GUCA1C: variants seen among roughly 807,000 people sequenced by gnomAD.
GUCA1C encodes the protein guanylate cyclase activator 1C, also known as guanylyl cyclase-activating protein 3.
In GUCA1C, 15 loss-of-function variants were observed where a neutral mutation model predicts 16.2. That is an observed-to-expected ratio of 0.93 (90% CI 0.62 to 1.43). The LOEUF is 1.43. Ranked by LOEUF, GUCA1C falls within the 40% of genes most tolerant of loss-of-function variation. The probability of loss-of-function intolerance (pLI) is 0.00; values close to 1 mark genes in which losing one functional copy is unlikely to be tolerated. For synonymous variants in GUCA1C, 78 were observed against 85.4 expected (o/e 0.91, Z 0.48); for missense variants, 275 against 244.8 (o/e 1.12, Z -0.82).
At chr3:108,913,957 T>C (rs1946482891) in intron 3 of GUCA1C, among the ~76,000 whole-genome samples, 1 of 151,978 alleles carries the variant, frequency 6.6e-6, no homozygotes, top group Non-Finnish European at 1.5e-5. Context: ...TCCCAGCTAC[T>C]TGGGAGATTG....
chr3:108,934,022 T>C (rs1445044056), intron 1 of GUCA1C, among the ~76,000 whole-genome samples: 3 of 152,190 alleles, frequency 2.0e-5, no homozygotes, highest in Non-Finnish European at 4.4e-5. Flanking sequence ...TTCATGTCCT[T>C]TGCAGGGACA....
intron 3 of GUCA1C, among the ~76,000 whole-genome samples, chr3:108,912,053 C>T (rs867379434): frequency 9.3e-5 from 14 of 150,442 alleles, no homozygotes; most frequent in Middle Eastern, 7.1e-3. Flanking sequence ...TTGCAGTGAG[C>T]CGAGTAGTGC....
chr3:108,926,638 G>A (rs551022936), intron 1 of GUCA1C, among the ~76,000 whole-genome samples: 4 of 152,140 alleles, frequency 2.6e-5, no homozygotes, highest in South Asian at 2.1e-4. Context: ...ACGCCACCAC[G>A]CCCAGCTAAT....
intron 1 of GUCA1C, among the ~76,000 whole-genome samples, chr3:108,937,964 G>A (rs957130880): frequency 5.3e-5 from 8 of 151,992 alleles, no homozygotes; most frequent in East Asian, 1.9e-4. Context: ...CCAGCTACTC[G>A]GGAGGCTAAG....
At chr3:108,921,086 G>A (rs1946565605) in intron 1 of GUCA1C, among the ~76,000 whole-genome samples, 1 of 152,124 alleles carries the variant, frequency 6.6e-6, no homozygotes, top group Admixed American at 6.5e-5. Flanking sequence ...TCTGTGCTGT[G>A]CCTATTTAAT....
intron 1 of GUCA1C, among the ~76,000 whole-genome samples, chr3:108,922,160 A>AAC (rs56788372): frequency 0.12 from 6,203 of 51,858 alleles, 256 homozygotes; most frequent in African/African-American, 0.3. Flanking sequence ...CACATACACA[A>AAC]ACACACACAC....
In GUCA1C at chr3:108,927,361, C is replaced by T. The variant is rs564622627; in HGVS notation, c.205-6776G>A. On this transcript the variant is annotated intron_variant, in intron 1 of 3. Transcript: ENST00000261047. ...AGATTTCTCTTCTTCCTCAGGAACC[C>T]AATTATTCTTAGGTTTCGACATTTA... Among the ~76,000 whole-genome samples the T allele has an allele frequency of 2.1e-4, 32 of 151,820 alleles. No individual in the cohort carries two copies. In the South Asian group the frequency reaches 6.7e-3, roughly 32 times the overall value.
chr3:108,940,079 A>T (rs1236044422), intron 1 of GUCA1C, among the ~76,000 whole-genome samples: 1 of 152,244 alleles, frequency 6.6e-6, no homozygotes, highest in Admixed American at 6.5e-5. Flanking sequence ...TGTGCTTGAT[A>T]GTATATATGA....
intron 1 of GUCA1C, among the ~76,000 whole-genome samples, chr3:108,953,295 G>A (rs1342268694): frequency 6.6e-6 from 1 of 152,066 alleles, no homozygotes; most frequent in Non-Finnish European, 1.5e-5. Context: ...ATTCCATGCC[G>A]AGATTTAATC....
At chr3:108,953,073 T>G (rs1490704859) in intron 1 of GUCA1C, among the ~76,000 whole-genome samples, 1 of 152,176 alleles carries the variant, frequency 6.6e-6, no homozygotes, top group South Asian at 2.1e-4. Context: ...AAAAAAGTAA[T>G]ATGAAGCAGT....
intron 1 of GUCA1C, among the ~76,000 whole-genome samples, chr3:108,931,215 T>TGACTGCATTTTTCAGTGTC (rs1946662988): frequency 6.6e-6 from 1 of 151,724 alleles, no homozygotes; most frequent in South Asian, 2.1e-4. Context: ...TCCACTTCAG[T>TGACTGCATTTTTCAGTGTC]GACTGCATTT....
chr3:108,923,956 C>T (rs192897483), intron 1 of GUCA1C, among the ~76,000 whole-genome samples: 6 of 152,226 alleles, frequency 3.9e-5, no homozygotes, highest in African/African-American at 1.4e-4. Flanking sequence ...AGCTTGATCG[C>T]TGTTGGTGTA....
At chr3:108,952,624 A>G (rs551966534) in intron 1 of GUCA1C, among the ~76,000 whole-genome samples, 1 of 151,988 alleles carries the variant, frequency 6.6e-6, no homozygotes, top group African/African-American at 2.4e-5. Context: ...TACACATCCT[A>G]TCAAACAACC....
intron 2 of GUCA1C, 103 bp downstream of exon 2, chr3:108,920,333 C>T (rs1019701637): frequency 1.2e-6 from 1 of 829,586 alleles, no homozygotes; most frequent in Non-Finnish European, 2.0e-6. Context: ...ATGTATATCG[C>T]CAAAATAGCC....
chr3:108,932,914 A>C (rs571890525), intron 1 of GUCA1C, among the ~76,000 whole-genome samples: 26 of 149,528 alleles, frequency 1.7e-4, no homozygotes, highest in African/African-American at 6.4e-4. Context: ...AAGAAAAAAA[A>C]AAAAAATCTC....
At chr3:108,920,145 G>A (rs1559841603) in intron 2 of GUCA1C, among the ~76,000 whole-genome samples, 1 of 152,076 alleles carries the variant, frequency 6.6e-6, no homozygotes, top group East Asian at 1.9e-4. Context: ...TCTGCACTGA[G>A]GCACAGAAAA....
At chr3:108,930,699 T>C (rs1946659036) in intron 1 of GUCA1C, among the ~76,000 whole-genome samples, 1 of 152,178 alleles carries the variant, frequency 6.6e-6, no homozygotes, top group Non-Finnish European at 1.5e-5. Context: ...AGAGATAAGA[T>C]TTCTTCTAAC....
intron 1 of GUCA1C, 130 bp from the exon 2 acceptor site, chr3:108,920,715 CTT>C: frequency 1.7e-6 from 1 of 571,870 alleles, no homozygotes; most frequent in South Asian, 2.7e-5. Context: ...CAGCATAAAA[CTT>C]TTCCCTAGTG....
intron 3 of GUCA1C, among the ~76,000 whole-genome samples, chr3:108,908,693 G>C (rs1375794440): frequency 6.6e-6 from 1 of 152,142 alleles, no homozygotes; most frequent in African/African-American, 2.4e-5. Context: ...GGTTATTTTT[G>C]CTCATTAGTT....
Sources: gnomAD v4.1 joint callset for allele counts (sites outside exome capture counted in the v4.1 genomes callset) on GRCh38, gnomAD v4.1.1 for gene constraint, MANE v1.5 for transcripts, NCBI Gene and HGNC (gene_info 2026-07-23, HGNC 2026-07-21) for gene names.